The following PKHD1 variants were observed in gnomAD, a reference collection of about 807,000 sequenced individuals.
PKHD1 encodes PKHD1 ciliary IPT domain containing fibrocystin/polyductin.
Under a neutral mutation model 412.0 loss-of-function variants are expected in PKHD1, and 291 were observed. The ratio of observed to expected loss-of-function variants is 0.71; its 90% CI spans 0.64 to 0.78. PKHD1 has a LOEUF of 0.78. PKHD1 is among the 30% of genes least tolerant of loss of function. The pLI is 0.00. For missense variants in PKHD1, 4,825 were observed against 4,950.7 expected (o/e 0.97, Z 0.76); for synonymous variants, 1,777 against 1,821.5 (o/e 0.98, Z 0.62).
chr6:51,893,868 C>T (rs1286055429), intron 43 of PKHD1, among the ~76,000 whole-genome samples: 1 of 152,158 alleles, frequency 6.6e-6, no homozygotes, highest in Non-Finnish European at 1.5e-5. Flanking sequence ...AATTGATTCA[C>T]AAACCAGAAC....
At position 51,836,803 on chromosome 6, in the gene PKHD1, TTCA is replaced by T. The variant is rs1235330693; in HGVS notation, c.8108-337_8108-335del. Among the ~76,000 whole-genome samples the T allele has an allele frequency of 3.3e-5, 5 of 152,236 alleles. No homozygotes were observed. The East Asian group carries it at 9.6e-4, about 29-fold the overall frequency. ...CATATACCTCATATCCTATTTTCTC[TTCA>T]TCATTTTGTAGGCTCAGCTTTTAGA... is the stretch of plus-strand genomic sequence containing the variant. On this transcript the variant is annotated intron_variant, in intron 50 of 66. Transcript: ENST00000371117.
At chr6:51,675,909 T>C (rs942521314) in intron 60 of PKHD1, among the ~76,000 whole-genome samples, 6 of 152,228 alleles carry the variant, frequency 3.9e-5, no homozygotes, top group Non-Finnish European at 7.3e-5. Context: ...TGTGCATGTG[T>C]GCCTATGAGC....
At chr6:51,980,227 A>G (rs564445853) in intron 35 of PKHD1, among the ~76,000 whole-genome samples, 23 of 152,212 alleles carry the variant, frequency 1.5e-4, no homozygotes, top group African/African-American at 5.3e-4. Flanking sequence ...ATTTCTTTGC[A>G]CTCTGTTAAA....
chr6:51,827,106 G>T (rs1767446452), intron 52 of PKHD1, among the ~76,000 whole-genome samples: 1 of 152,070 alleles, frequency 6.6e-6, no homozygotes, highest in Non-Finnish European at 1.5e-5. Flanking sequence ...TGTAAAATCA[G>T]CAGTTCCATT....
intron 52 of PKHD1, among the ~76,000 whole-genome samples, chr6:51,804,243 C>A (rs1366191876): frequency 6.7e-6 from 1 of 150,308 alleles, no homozygotes. Flanking sequence ...CACCAACAGT[C>A]CACACAGATG....
intron 45 of PKHD1, 21 bp downstream of exon 45, chr6:51,885,846 A>G (rs772681998): frequency 3.4e-5 from 50 of 1,472,350 alleles, no homozygotes; most frequent in South Asian, 2.8e-4. Flanking sequence ...CAACAATAAC[A>G]ACAACAACAA....
At chr6:51,676,110 A>G (rs559350531) in intron 60 of PKHD1, among the ~76,000 whole-genome samples, 2 of 151,512 alleles carry the variant, frequency 1.3e-5, no homozygotes, top group South Asian at 2.1e-4. Context: ...GGTTGCTTCC[A>G]GGGTTCTAAC....
At chr6:51,997,810 G>A (rs1583800398) in intron 35 of PKHD1, among the ~76,000 whole-genome samples, 1 of 152,184 alleles carries the variant, frequency 6.6e-6, no homozygotes, top group African/African-American at 2.4e-5. Context: ...ATGAAAAGAG[G>A]CTGAATGATA....
At chr6:51,883,043 GT>G in intron 46 of PKHD1, 49 bp downstream of exon 46, 1 of 1,491,340 alleles carries the variant, frequency 6.7e-7, no homozygotes. Flanking sequence ...CCCAGCACAT[GT>G]AATTTTGTTG....
chr6:52,043,636 CACACAGAATGG>C lies in PKHD1; in HGVS notation c.2799_2809del (p.His934ValfsTer4). 1 of 1,609,958 alleles carries C rather than the reference CACACAGAATGG, an allele frequency of 6.2e-7. No homozygotes were observed. Among genetic ancestry groups the C allele is most frequent in the Non-Finnish European group, 8.5e-7 (1 of 1,176,360 alleles). On this transcript the variant is annotated frameshift_variant, in exon 26 of 67. Transcript: ENST00000371117. LOFTEE classifies it high-confidence loss of function. ...GTGACAAATCATACCAATGGAGTAC[CACACAGAATGG>C]ACACAGGGAGTTGACCCTTGGAGGT...
At chr6:52,037,522 T>C (rs754961474) in intron 27 of PKHD1, among the ~76,000 whole-genome samples, 1 of 152,138 alleles carries the variant, frequency 6.6e-6, no homozygotes, top group East Asian at 1.9e-4. Context: ...AAAAATGGGC[T>C]AAGGAGATAA....
At chr6:51,899,511 G>C (rs1013020651) in intron 43 of PKHD1, among the ~76,000 whole-genome samples, 1 of 151,716 alleles carries the variant, frequency 6.6e-6, no homozygotes, top group African/African-American at 2.4e-5. Flanking sequence ...TTGATGGGAT[G>C]TATTTCAAAA....
Position 51,748,448 on chromosome 6 carries a change from C to T in PKHD1, c.9168G>A (p.Gln3056=). 2 of 1,614,016 alleles carry T rather than the reference C, an allele frequency of 1.2e-6. No homozygotes were observed. The highest frequency in any genetic ancestry group is 1.7e-6 in the Non-Finnish European group (2 of 1,179,962). ...CAAGGTTATTAGTGACAGTATAGGCCTGACCCTCTAAATCTATGCCATGGC... is the reference window on the plus strand; with the variant it reads ...CAAGGTTATTAGTGACAGTATAGGCTTGACCCTCTAAATCTATGCCATGGC... ...TAGHGIDLEG[Q]AYTVTNNLVV... The change falls in exon 58 of 67, where the codon CAG becomes CAA. Residue 3056 remains glutamine (Q), a synonymous_variant. Transcript: ENST00000371117.
In PKHD1 at chr6:51,669,269, T is replaced by A. The variant is rs543195756; in HGVS notation, c.10157-9300A>T. Reference sequence around the variant, plus strand: ...GAGATTCAACTTCTTCCTGGTATAGTCTTGGGAGAGTGTATGTGTCGAGGA... The same window carrying A: ...GAGATTCAACTTCTTCCTGGTATAGACTTGGGAGAGTGTATGTGTCGAGGA... On this transcript the variant is annotated intron_variant, in intron 60 of 66. Transcript: ENST00000371117. 1.8e-3 allele frequency among the ~76,000 whole-genome samples: 268 copies of A among 152,338 alleles called. 1 individual carries two copies. The highest frequency in any genetic ancestry group is 6.1e-3 in the African/African-American group (255 of 41,558).
intron 12 of PKHD1, 112 bp from the exon 13 acceptor site, chr6:52,065,162 T>TAGAGAG (rs1436993640): frequency 0.013 from 875 of 65,968 alleles, 10 homozygotes; most frequent in Non-Finnish European, 0.016. Flanking sequence ...TATATATATA[T>TAGAGAG]ATATATAGAG....
chr6:51,688,927 A>C (rs1039158422), intron 60 of PKHD1, among the ~76,000 whole-genome samples: 1 of 152,156 alleles, frequency 6.6e-6, no homozygotes, highest in Non-Finnish European at 1.5e-5. Flanking sequence ...TGTACAAAGA[A>C]AAGCTAGCAA....
Position 51,616,593 on chromosome 6 carries a change from C to A in PKHD1, c.*2488G>T, listed in dbSNP as rs1489368824. 1.0e-5 allele frequency: 4 copies of A among 396,292 alleles called. No individual in the cohort carries two copies. Among genetic ancestry groups the A allele is most frequent in the Admixed American group, 4.4e-5 (1 of 22,570 alleles). 24.5% of individuals were successfully genotyped at this position (396,292 alleles called of 1,614,324 possible). A position where few individuals can be genotyped will look rare whatever the true frequency, so the allele number is the denominator to read the frequency against. On this transcript the variant is annotated 3_prime_UTR_variant, in exon 67 of 67. Transcript: ENST00000371117. ...TGGGTTGAGGAATTTTAGCTAGATG[C>A]CAAAATTCCATGCCACATGCTAGAG...
At chr6:51,738,520 A>G (rs375299910) in intron 60 of PKHD1, among the ~76,000 whole-genome samples, 28 of 152,340 alleles carry the variant, frequency 1.8e-4, no homozygotes, top group Non-Finnish European at 3.2e-4. Context: ...TGTCACAAAA[A>G]GTAGGGGTGG....
chr6:51,865,615 TCTTA>T (rs958680535), intron 48 of PKHD1, among the ~76,000 whole-genome samples: 2 of 152,160 alleles, frequency 1.3e-5, no homozygotes, highest in African/African-American at 4.8e-5. Context: ...TCTCTGGACC[TCTTA>T]CTGAGGGAGG....
Sources: gnomAD v4.1 joint callset for allele counts (sites outside exome capture counted in the v4.1 genomes callset) on GRCh38, gnomAD v4.1.1 for gene constraint, MANE v1.5 for transcripts, NCBI Gene and HGNC (gene_info 2026-07-23, HGNC 2026-07-21) for gene names.